The following TBC1D5 variants were observed in gnomAD, a reference collection of about 807,000 sequenced individuals.
TBC1D5 encodes the protein TBC1 domain family member 5, also known as TBC1 domain family, member 5.
Under a neutral mutation model 100.3 loss-of-function variants are expected in TBC1D5, and 75 were observed. The ratio of observed to expected loss-of-function variants is 0.75; its 90% CI spans 0.62 to 0.91. TBC1D5 has a LOEUF of 0.91. Ranked by LOEUF, TBC1D5 falls within the 40% of genes least tolerant of loss-of-function variation. TBC1D5 has a pLI of 0.00. For synonymous variants in TBC1D5, 323 were observed against 325.6 expected, an observed-to-expected ratio of 0.99 and a Z score of 0.09; for missense variants, 910 against 942.4, an observed-to-expected ratio of 0.97 and a Z score of 0.45.
chr3:17,171,277 G>T, intron 19 of TBC1D5, among the ~76,000 whole-genome samples: 1 of 151,768 alleles, frequency 6.6e-6, no homozygotes, highest in East Asian at 1.9e-4. Context: ...GCTTCTTTCA[G>T]TTGTGAAAAA....
chr3:17,612,563 G>A (rs912737817), intron 2 of TBC1D5, among the ~76,000 whole-genome samples: 9 of 151,998 alleles, frequency 5.9e-5, no homozygotes, highest in African/African-American at 1.9e-4. Flanking sequence ...CCGGGAGGCA[G>A]AGGTAGCAGT....
intron 16 of TBC1D5, among the ~76,000 whole-genome samples, chr3:17,249,832 A>T (rs2077040632): frequency 6.6e-6 from 1 of 152,198 alleles, no homozygotes; most frequent in Non-Finnish European, 1.5e-5. Context: ...GAACACACAC[A>T]GTATTTATTG....
chr3:17,315,170 A>G (rs983243679), intron 13 of TBC1D5, among the ~76,000 whole-genome samples: 12 of 152,240 alleles, frequency 7.9e-5, no homozygotes, highest in Admixed American at 1.3e-4. Flanking sequence ...CTCACTCTAC[A>G]TGTCTAACCA....
intron 3 of TBC1D5, among the ~76,000 whole-genome samples, chr3:17,494,804 T>C (rs2095684857): frequency 6.6e-6 from 1 of 152,132 alleles, no homozygotes; most frequent in Admixed American, 6.5e-5. Flanking sequence ...AACTCAATCA[T>C]CTTAGGCAGT....
At chr3:17,499,551 C>A (rs554345641) in intron 3 of TBC1D5, among the ~76,000 whole-genome samples, 1 of 148,386 alleles carries the variant, frequency 6.7e-6, no homozygotes. Context: ...AAAAATTTGC[C>A]GGGTGTGGTG....
intron 17 of TBC1D5, among the ~76,000 whole-genome samples, chr3:17,223,179 G>C (rs927768609): frequency 6.6e-6 from 1 of 151,952 alleles, no homozygotes; most frequent in Non-Finnish European, 1.5e-5. Flanking sequence ...AGCTTTCCAG[G>C]TTTGTATAAA....
intron 3 of TBC1D5, among the ~76,000 whole-genome samples, chr3:17,477,976 AG>A (rs1293908185): frequency 6.6e-6 from 1 of 152,144 alleles, no homozygotes; most frequent in Non-Finnish European, 1.5e-5. Context: ...GATTTTAGAA[AG>A]ATATTTTAGA....
At chr3:17,244,263 C>A (rs1404490026) in intron 16 of TBC1D5, among the ~76,000 whole-genome samples, 1 of 152,136 alleles carries the variant, frequency 6.6e-6, no homozygotes, top group Non-Finnish European at 1.5e-5. Context: ...AATGAAAGCC[C>A]CTTTCCAACT....
intron 18 of TBC1D5, among the ~76,000 whole-genome samples, chr3:17,209,431 G>A (rs1287121303): frequency 2.6e-5 from 4 of 152,274 alleles, no homozygotes; most frequent in African/African-American, 7.2e-5. Flanking sequence ...GATTACAGGC[G>A]TGAGCCACCA....
At chr3:17,363,062 G>C (rs2091853784) in intron 13 of TBC1D5, among the ~76,000 whole-genome samples, 1 of 151,778 alleles carries the variant, frequency 6.6e-6, no homozygotes, top group Non-Finnish European at 1.5e-5. Flanking sequence ...TTTATTTTCT[G>C]TTATTGTTTT....
At chr3:17,483,619 C>T (rs1266535026) in intron 3 of TBC1D5, among the ~76,000 whole-genome samples, 3 of 152,078 alleles carry the variant, frequency 2.0e-5, no homozygotes, top group African/African-American at 7.2e-5. Flanking sequence ...ACAAAACTCA[C>T]AATTGAACTG....
At chr3:17,421,619 T>C (rs2094209740) in intron 4 of TBC1D5, among the ~76,000 whole-genome samples, 1 of 152,190 alleles carries the variant, frequency 6.6e-6, no homozygotes, top group African/African-American at 2.4e-5. Context: ...TGAAAAAAGT[T>C]AACAGTAGTT....
chr3:17,458,869 A>G lies in TBC1D5; in HGVS notation c.98-30350T>C, dbSNP rs565213351. On this transcript the variant is annotated intron_variant, in intron 3 of 21. Transcript: ENST00000253692. ...GCTTACTAACTTTCCACTTAGGCTC[A>G]CTCATTCAACAATTGTACAGCTAAA... Among the ~76,000 whole-genome samples, 3 of 152,232 alleles carry G rather than the reference A, an allele frequency of 2.0e-5. No homozygotes were observed. The South Asian group carries it at 6.2e-4, about 32-fold the overall frequency.
At chr3:17,720,720 G>A (rs1011341617) in intron 1 of TBC1D5, among the ~76,000 whole-genome samples, 1 of 152,156 alleles carries the variant, frequency 6.6e-6, no homozygotes, top group Non-Finnish European at 1.5e-5. Context: ...TCACTTGAGT[G>A]GGGAGGATCT....
At chr3:17,628,637 T>C (rs2063256669) in intron 1 of TBC1D5, among the ~76,000 whole-genome samples, 2 of 152,236 alleles carry the variant, frequency 1.3e-5, no homozygotes, top group African/African-American at 2.4e-5. Flanking sequence ...AGATTTAGAA[T>C]TCCAATGGAA....
At chr3:17,386,740 C>T (rs2093168219) in intron 8 of TBC1D5, among the ~76,000 whole-genome samples, 1 of 152,142 alleles carries the variant, frequency 6.6e-6, no homozygotes, top group Non-Finnish European at 1.5e-5. Flanking sequence ...TCTGAGCCTA[C>T]TCTGACTCGG....
At chr3:17,462,400 C>G (rs1328842020) in intron 3 of TBC1D5, among the ~76,000 whole-genome samples, 1 of 151,104 alleles carries the variant, frequency 6.6e-6, no homozygotes, top group Non-Finnish European at 1.5e-5. Context: ...TAGCTCACCG[C>G]AGCCTCAAAC....
At position 17,573,226 on chromosome 3, in the gene TBC1D5, C is replaced by T. The variant is rs143924029; in HGVS notation, c.-36+50623G>A. On this transcript the variant is annotated intron_variant, in intron 2 of 21. Transcript: ENST00000253692. ...AGGTCAAATGCCAGTATTTCCTTTC[C>T]GGTCTTCTCAGATGCAACCAACTGC... 2.7e-4 allele frequency among the ~76,000 whole-genome samples: 41 copies of T among 152,132 alleles called. 1 individual carries two copies. In the South Asian group the frequency reaches 7.0e-3, roughly 26 times the overall value.
At chr3:17,255,027 G>A (rs1318113582) in intron 16 of TBC1D5, among the ~76,000 whole-genome samples, 1 of 152,128 alleles carries the variant, frequency 6.6e-6, no homozygotes, top group Non-Finnish European at 1.5e-5. Context: ...AGCAAGGGAT[G>A]GGTAAAACTG....
Sources: allele counts gnomAD v4.1 joint callset (sites outside exome capture counted in the v4.1 genomes callset), GRCh38; gene constraint gnomAD v4.1.1; transcripts MANE v1.5; gene names NCBI Gene and HGNC (gene_info 2026-07-23, HGNC 2026-07-21).